The following ADAMTS5 variants were observed in gnomAD, a reference collection of about 807,000 sequenced individuals.
The protein encoded by ADAMTS5 is ADAM metallopeptidase with thrombospondin type 1 motif 5, also known as A disintegrin and metalloproteinase with thrombospondin motifs 5.
ADAMTS5 carries 54 observed loss-of-function variants against 81.4 expected under a neutral mutation model. The ratio of observed to expected loss-of-function variants is 0.66; its 90% confidence interval spans 0.53 to 0.83. The LOEUF (loss-of-function observed/expected upper bound fraction) is 0.83. Ranked by LOEUF, ADAMTS5 falls within the 40% of genes least tolerant of loss-of-function variation. The pLI is 0.00. For missense variants in ADAMTS5, 1,194 were observed against 1,229.9 expected (o/e 0.97, Z 0.44); for synonymous variants, 532 against 508.8 (o/e 1.05, Z -0.61).
At chr21:26,958,494 G>C (rs1451414176) in intron 1 of ADAMTS5, among the ~76,000 whole-genome samples, 1 of 152,150 alleles carries the variant, frequency 6.6e-6, no homozygotes, top group Non-Finnish European at 1.5e-5. Flanking sequence ...GATTTCAGCA[G>C]AGACTACATT....
At chr21:26,931,725 C>T (rs763719850) in intron 6 of ADAMTS5, among the ~76,000 whole-genome samples, 3 of 152,302 alleles carry the variant, frequency 2.0e-5, no homozygotes, top group East Asian at 1.9e-4. Flanking sequence ...AAGTTAAGGT[C>T]ACACTTTGCC....
Position 26,924,486 on chromosome 21 carries a change from T to C in ADAMTS5, c.2360A>G (p.Asn787Ser). 1 of 1,614,190 alleles carries C rather than the reference T, an allele frequency of 6.2e-7. No individual in the cohort carries two copies. Among genetic ancestry groups the C allele is most frequent in the Non-Finnish European group, 8.5e-7 (1 of 1,180,024 alleles). The change falls in exon 8 of 8, where the codon AAT (asparagine) becomes AGT (serine). Residue 787 changes from asparagine to serine, a missense_variant. This residue lies in a region of ADAMTS5 where 696 missense variants were observed against 817.6 expected (regional missense o/e 0.85). Transcript: ENST00000284987. ...LKKKNGEYLI[N>S]GKYMISTSET... is the part of the protein sequence containing the mutation. ...TGAAGTGGAGATCATGTACTTTCCA[T>C]TGATAAGGTACTCACCGTTTTTCTT...
rs1023521543 is a variant in ADAMTS5, at chr21:26,929,759, T to A, written c.2225+127A>T. 4 of 830,524 alleles carry A rather than the reference T, an allele frequency of 4.8e-6. No homozygotes were observed. In the East Asian group the frequency reaches 1.2e-4, roughly 24 times the overall value. The allele number at this position is 830,524 out of a possible 1,614,324, so 51.4% of individuals were successfully genotyped here. A position where few individuals can be genotyped will look rare whatever the true frequency, so the allele number is the denominator to read the frequency against. ...CTTCCTTCTCATATTTAAAATGTGTTTCTAGAGCCACGTTAGACCTCCTCA... is the reference window on the plus strand; with the variant it reads ...CTTCCTTCTCATATTTAAAATGTGTATCTAGAGCCACGTTAGACCTCCTCA... On this transcript the variant is annotated intron_variant, in intron 7 of 7. Transcript: ENST00000284987.
At chr21:26,954,365 G>T (rs1027743402) in intron 2 of ADAMTS5, among the ~76,000 whole-genome samples, 1 of 152,094 alleles carries the variant, frequency 6.6e-6, no homozygotes, top group East Asian at 1.9e-4. Context: ...AAACTGATTA[G>T]CCCTGGATGA....
At chr21:26,939,470 C>T (rs1987074804) in intron 3 of ADAMTS5, 1 of 152,194 alleles carries the variant, frequency 6.6e-6, no homozygotes, top group African/African-American at 2.4e-5. Context: ...GTTAAGCTCT[C>T]CTGGCTAGCT....
At position 26,920,159 on chromosome 21, in the gene ADAMTS5, T is replaced by C. The variant is rs1037398377; in HGVS notation, c.*3894A>G. 46 of 152,236 alleles carry C rather than the reference T, an allele frequency of 3.0e-4. No individual in the cohort carries two copies. The highest frequency in any genetic ancestry group is 1.1e-3 in the African/African-American group (44 of 41,558). 9.4% of individuals were successfully genotyped at this position (152,236 alleles called of 1,614,324 possible). A position where few individuals can be genotyped will look rare whatever the true frequency, so the allele number is the denominator to read the frequency against. ...ATGTAACAGCACAAATTCTGGACTT[T>C]GAATCTGGCTGCTGTCCTCACCTGA... On this transcript the variant is annotated 3_prime_UTR_variant, in exon 8 of 8. Coordinates refer to ENST00000284987, the MANE Select transcript of ADAMTS5 (RefSeq NM_007038.5).
At chr21:26,933,277 C>T (rs1986949615) in intron 4 of ADAMTS5, among the ~76,000 whole-genome samples, 1 of 152,166 alleles carries the variant, frequency 6.6e-6, no homozygotes, top group Non-Finnish European at 1.5e-5. Flanking sequence ...AAGCATCATC[C>T]TAAGTACTGA....
intron 1 of ADAMTS5, among the ~76,000 whole-genome samples, chr21:26,956,697 TG>T (rs1987433929): frequency 2.0e-5 from 3 of 152,144 alleles, no homozygotes; most frequent in South Asian, 4.1e-4. Context: ...TATCACAATT[TG>T]GGGTATTTAT....
intron 1 of ADAMTS5, among the ~76,000 whole-genome samples, chr21:26,964,448 C>A (rs545847783): frequency 7.4e-4 from 113 of 152,354 alleles, no homozygotes; most frequent in African/African-American, 2.6e-3. Context: ...GAAAACATTT[C>A]TTCCTTCTGT....
intron 1 of ADAMTS5, among the ~76,000 whole-genome samples, chr21:26,958,019 C>T (rs1408423232): frequency 6.6e-6 from 1 of 152,166 alleles, no homozygotes; most frequent in Non-Finnish European, 1.5e-5. Flanking sequence ...CCTTGAGAAG[C>T]AGATGCTCAG....
intron 1 of ADAMTS5, among the ~76,000 whole-genome samples, chr21:26,960,929 C>G (rs1389604038): frequency 2.0e-5 from 3 of 152,168 alleles, no homozygotes; most frequent in African/African-American, 7.2e-5. Flanking sequence ...GAGCAATCTT[C>G]TAATGCACTT....
At position 26,966,329 on chromosome 21, in the gene ADAMTS5, G is replaced by T. The variant is rs1190201005; in HGVS notation, c.63C>A (p.Gly21=). The T allele has an allele frequency of 6.6e-7, 1 of 1,508,506 alleles. No individual in the cohort carries two copies. Among genetic ancestry groups the T allele is most frequent in the Non-Finnish European group, 8.8e-7 (1 of 1,136,914 alleles). The allele number at this position is 1,508,506 out of a possible 1,614,324, so 93.4% of individuals were successfully genotyped here. A position where few individuals can be genotyped will look rare whatever the true frequency, so the allele number is the denominator to read the frequency against. The change falls in exon 1 of 8, where the codon GGC becomes GGA. Residue 21 remains glycine (G), a synonymous_variant. Coordinates refer to ENST00000284987, the MANE Select transcript of ADAMTS5 (RefSeq NM_007038.5). ...CAFRLPLAAV[G]PAATPAQDKA... ...TATCCTGGGCAGGTGTCGCGGCGGG[G>T]CCGACCGCGGCCAGGGGCAGGCGGA...
At chr21:26,957,447 T>TGATAGATAGATAGATA (rs3838079) in intron 1 of ADAMTS5, among the ~76,000 whole-genome samples, 159 of 150,508 alleles carry the variant, frequency 1.1e-3, no homozygotes, top group African/African-American at 3.6e-3. Context: ...GATGGATAGA[T>TGATAGATAGATAGATA]GATAGATAGA....
rs1316236445 is a variant in ADAMTS5, at chr21:26,965,850, A to T, written c.542T>A (p.Val181Glu). Reference sequence around the variant, plus strand: ...GATCCGTGCGGACCCATCCCCGTACACGCGCCCCTTTTCTTCCTCCGCCCA... The same window carrying T: ...GATCCGTGCGGACCCATCCCCGTACTCGCGCCCCTTTTCTTCCTCCGCCCA... ...GPWAEEEKGR[V>E]YGDGSARILH... is the part of the protein sequence containing the mutation. The change falls in exon 1 of 8, where the codon GTG (valine) becomes GAG (glutamate). Residue 181 changes from valine to glutamate, a missense_variant. Around this residue, in one of 2 missense-constraint regions of ADAMTS5, gnomAD observed 498 missense variants for 412.3 expected, o/e 1.21. Transcript: ENST00000284987. 10 of 1,612,672 alleles carry T rather than the reference A, an allele frequency of 6.2e-6. No individual in the cohort carries two copies. In the Admixed American group the frequency reaches 8.3e-5, roughly 13 times the overall value.
chr21:26,926,130 G>A (rs1244300913), intron 7 of ADAMTS5, among the ~76,000 whole-genome samples: 1 of 152,176 alleles, frequency 6.6e-6, no homozygotes, highest in Non-Finnish European at 1.5e-5. Flanking sequence ...AGTTAGCCAG[G>A]GATGGTGGCG....
At position 26,921,920 on chromosome 21, in the gene ADAMTS5, G is replaced by T. The variant is rs926014305; in HGVS notation, c.*2133C>A. On this transcript the variant is annotated 3_prime_UTR_variant, in exon 8 of 8. Coordinates refer to ENST00000284987, the MANE Select transcript of ADAMTS5 (RefSeq NM_007038.5). ...TATGCCTCGAGTATTTTTTAATGTTGTTGGGAATATAACCACAAAAAATAA... is the reference window on the plus strand; with the variant it reads ...TATGCCTCGAGTATTTTTTAATGTTTTTGGGAATATAACCACAAAAAATAA... 6.6e-6 allele frequency: 1 copy of T among 152,048 alleles called. No homozygotes were observed. The highest frequency in any genetic ancestry group is 2.4e-5 in the African/African-American group (1 of 41,408). 9.4% of individuals were successfully genotyped at this position (152,048 alleles called of 1,614,324 possible).
At chr21:26,930,293 TA>T (rs1182344488) in intron 6 of ADAMTS5, among the ~76,000 whole-genome samples, 1 of 152,230 alleles carries the variant, frequency 6.6e-6, no homozygotes, top group Admixed American at 6.5e-5. Flanking sequence ...TTTTCTCTCT[TA>T]ACCTTACCTC....
rs768703422 is a variant in ADAMTS5, at chr21:26,934,762, CTG to C, written c.1406-15_1406-14del. On this transcript the variant is annotated splice_polypyrimidine_tract_variant and intron_variant, in intron 3 of 7. Transcript: ENST00000284987. Reference sequence around the variant, plus strand: ...AGCAAACAGTTACCTACAAGAATAACTGAGATTGACCACGGCTCTGTGTTTAG... The same window carrying C: ...AGCAAACAGTTACCTACAAGAATAACAGATTGACCACGGCTCTGTGTTTAG... 2.8e-5 allele frequency: 45 copies of C among 1,611,736 alleles called. No individual in the cohort carries two copies. The highest frequency in any genetic ancestry group is 1.3e-4 in the Admixed American group (8 of 59,954).
chr21:26,922,604 A>G lies in ADAMTS5; in HGVS notation c.*1449T>C, dbSNP rs1363479802. The stretch of plus-strand genomic sequence containing the variant: ...GTGATGGGGGGGTGTACATTTTATC[A>G]TCTAAAAAGATATCTTTAGGTGTGT... On this transcript the variant is annotated 3_prime_UTR_variant, in exon 8 of 8. Coordinates refer to ENST00000284987, the MANE Select transcript of ADAMTS5 (RefSeq NM_007038.5). 6.6e-6 allele frequency: 1 copy of G among 152,096 alleles called. No individual in the cohort carries two copies. The highest frequency in any genetic ancestry group is 1.5e-5 in the Non-Finnish European group (1 of 67,972). The allele number at this position is 152,096 out of a possible 1,614,324, so 9.4% of individuals were successfully genotyped here. A position where few individuals can be genotyped will look rare whatever the true frequency, so the allele number is the denominator to read the frequency against.
Sources: gnomAD v4.1 joint callset for allele counts (sites outside exome capture counted in the v4.1 genomes callset) on GRCh38, gnomAD v4.1.1 for gene constraint, gnomAD v4.1.1 regional missense constraint, MANE v1.5 for transcripts, NCBI Gene and HGNC (gene_info 2026-07-23, HGNC 2026-07-21) for gene names.